Variants in SLC35D4 observed in about 807,000 individuals in gnomAD.
SLC35D4 encodes the protein solute carrier family 35 member D4, also known as UDP-N-acetylglucosamine transporter SLC35D4.
chr18:23,377,563 G>C, the SLC35D4 span: 1 of 1,319,438 alleles, frequency 7.6e-7, no homozygotes, highest in South Asian at 1.5e-5. Context: ...CTTAGAGTAT[G>C]AATCTTGAAC....
At chr18:23,375,453 C>G in the SLC35D4 span, among the ~76,000 whole-genome samples, 3 of 151,998 alleles carry the variant, frequency 2.0e-5, no homozygotes, top group Non-Finnish European at 4.4e-5. Flanking sequence ...ATTGAGATAG[C>G]AAGAAAGCAA....
the SLC35D4 span, among the ~76,000 whole-genome samples, chr18:23,427,402 A>T: frequency 6.6e-6 from 1 of 152,220 alleles, no homozygotes; most frequent in African/African-American, 2.4e-5. Context: ...TATGCAGCCA[A>T]CAGACACATG....
At chr18:23,361,368 T>C in the SLC35D4 span, among the ~76,000 whole-genome samples, 3 of 152,248 alleles carry the variant, frequency 2.0e-5, no homozygotes, top group South Asian at 6.2e-4. Context: ...AATAAAGTTC[T>C]GTTCTACCTT....
chr18:23,369,142 T>C, the SLC35D4 span, among the ~76,000 whole-genome samples: 2 of 152,262 alleles, frequency 1.3e-5, no homozygotes, highest in Non-Finnish European at 2.9e-5. Context: ...TATTCGAGGC[T>C]TATCTGAAAT....
chr18:23,345,564 G>A, the SLC35D4 span, among the ~76,000 whole-genome samples: 2 of 146,408 alleles, frequency 1.4e-5, no homozygotes, highest in African/African-American at 5.0e-5. Context: ...GACCATAAAT[G>A]CCTATCCCTA....
chr18:23,243,867 C>T, the SLC35D4 span, among the ~76,000 whole-genome samples: 2 of 116,606 alleles, frequency 1.7e-5, no homozygotes, highest in Non-Finnish European at 3.2e-5. Context: ...ACCAAGACTC[C>T]GTTTCAAAAA....
the SLC35D4 span, among the ~76,000 whole-genome samples, chr18:23,306,308 T>G: frequency 6.6e-6 from 1 of 151,944 alleles, no homozygotes; most frequent in Non-Finnish European, 1.5e-5. Flanking sequence ...TACTTTCTTC[T>G]TCTTATTTTT....
the SLC35D4 span, among the ~76,000 whole-genome samples, chr18:23,277,821 AC>A: frequency 3.9e-5 from 6 of 152,328 alleles, no homozygotes; most frequent in Non-Finnish European, 8.8e-5. Flanking sequence ...TTCTTGCTAA[AC>A]TAGGTTGAGC....
the SLC35D4 span, among the ~76,000 whole-genome samples, chr18:23,429,851 T>C: frequency 1.6e-4 from 24 of 151,868 alleles, no homozygotes; most frequent in Non-Finnish European, 2.9e-4. Flanking sequence ...TTTAAAGGAA[T>C]TATTTAGTTT....
the SLC35D4 span, among the ~76,000 whole-genome samples, chr18:23,353,076 A>AGTGTTT: frequency 2.4e-5 from 3 of 126,524 alleles, no homozygotes; most frequent in Non-Finnish European, 5.0e-5. Context: ...TGAGACAGAC[A>AGTGTTT]GTGTGTGTGT....
chr18:23,368,630 C>T, the SLC35D4 span: 4 of 924,466 alleles, frequency 4.3e-6, no homozygotes, highest in Non-Finnish European at 6.5e-6. Flanking sequence ...CACATTGGCT[C>T]AGAACTCTTC....
chr18:23,407,134 A>G, the SLC35D4 span, among the ~76,000 whole-genome samples: 1 of 152,238 alleles, frequency 6.6e-6, no homozygotes, highest in East Asian at 1.9e-4. Context: ...TAATGTGGTC[A>G]GGCAAAACCG....
At chr18:23,386,164 C>G in the SLC35D4 span, among the ~76,000 whole-genome samples, 1 of 151,678 alleles carries the variant, frequency 6.6e-6, no homozygotes, top group African/African-American at 2.4e-5. Context: ...AAAATGGTCC[C>G]CTAAAAGACA....
the SLC35D4 span, among the ~76,000 whole-genome samples, chr18:23,314,238 C>T: frequency 6.6e-6 from 1 of 152,222 alleles, no homozygotes; most frequent in Admixed American, 6.5e-5. Context: ...GAAATGCGTG[C>T]AAAAGGCCTC....
chr18:23,273,974 C>T, the SLC35D4 span, among the ~76,000 whole-genome samples: 4 of 152,012 alleles, frequency 2.6e-5, no homozygotes, highest in Admixed American at 2.6e-4. Context: ...ACTCTGTTAC[C>T]CAGGCCAGAG....
chr18:23,320,284 G>T, the SLC35D4 span, among the ~76,000 whole-genome samples: 1 of 152,028 alleles, frequency 6.6e-6, no homozygotes, highest in Admixed American at 6.5e-5. Context: ...TGCCCAGTGG[G>T]CTCTTAGACC....
chr18:23,306,340 CTT>C, the SLC35D4 span, among the ~76,000 whole-genome samples: 6 of 151,728 alleles, frequency 4.0e-5, no homozygotes, highest in South Asian at 2.1e-4. Flanking sequence ...GAGTTTTGCT[CTT>C]GTTTCCCAGG....
chr18:23,308,063 A>AC, the SLC35D4 span, among the ~76,000 whole-genome samples: 3 of 152,228 alleles, frequency 2.0e-5, no homozygotes, highest in Non-Finnish European at 4.4e-5. Flanking sequence ...ATCTGGTCAC[A>AC]ACAGTCAGAA....
At chr18:23,265,944 G>A in the SLC35D4 span, among the ~76,000 whole-genome samples, 26 of 152,204 alleles carry the variant, frequency 1.7e-4, no homozygotes, top group Non-Finnish European at 2.9e-4. Flanking sequence ...CCCTAAGGCA[G>A]CTGCCTTCTC....
Sources: allele counts gnomAD v4.1 joint callset (sites outside exome capture counted in the v4.1 genomes callset), GRCh38; gene constraint gnomAD v4.1.1; transcripts MANE v1.5; gene names NCBI Gene and HGNC (gene_info 2026-07-23, HGNC 2026-07-21).